Variants in PTPRT observed in about 807,000 individuals in gnomAD.
PTPRT encodes receptor-type tyrosine-protein phosphatase T.
PTPRT carries 56 observed loss-of-function variants against 176.8 expected under a neutral mutation model. The ratio of observed to expected loss-of-function variants is 0.32; its 90% CI spans 0.26 to 0.40. The LOEUF (loss-of-function observed/expected upper bound fraction) is 0.40. Ranked by LOEUF, PTPRT falls within the 10% of genes least tolerant of loss-of-function variation. The pLI, the probability that PTPRT is intolerant of heterozygous loss-of-function variation, is 1.00. For synonymous variants in PTPRT, 783 were observed against 739.0 expected (o/e 1.06, Z -0.96); for missense variants, 1,540 against 1,908.2 (o/e 0.81, Z 3.60).
At chr20:42,043,677 C>T in the PTPRT span, among the ~76,000 whole-genome samples, 1 of 152,198 alleles carries the variant, frequency 6.6e-6, no homozygotes, top group Non-Finnish European at 1.5e-5. Context: ...TAAACATCTG[C>T]TCTGTTAAGC....
chr20:42,304,293 T>C (rs569925182), intron 12 of PTPRT, among the ~76,000 whole-genome samples: 2 of 152,210 alleles, frequency 1.3e-5, no homozygotes, highest in Non-Finnish European at 2.9e-5. Context: ...ATTTGATCCA[T>C]GGGTTTAAAA....
chr20:42,379,282 T>G (rs2058678234), intron 9 of PTPRT, among the ~76,000 whole-genome samples: 1 of 152,218 alleles, frequency 6.6e-6, no homozygotes, highest in South Asian at 2.1e-4. Flanking sequence ...GCCCCTTTAT[T>G]GCAGGAAGAT....
rs551608888 is a variant in PTPRT, at chr20:42,902,314, T to C, written c.89-16382A>G. 5.3e-5 allele frequency among the ~76,000 whole-genome samples: 8 copies of C among 152,302 alleles called. No individual in the cohort carries two copies. The East Asian group carries it at 7.7e-4, about 15-fold the overall frequency. On this transcript the variant is annotated intron_variant, in intron 1 of 30. Coordinates refer to ENST00000373187, the MANE Select transcript of PTPRT (RefSeq NM_007050.6). Reference sequence around the variant, plus strand: ...TCCTGGAACAGTGAGTACACTGTCCTGATGGCTCAAGGTCAGTAGAGTCAC... The same window carrying C: ...TCCTGGAACAGTGAGTACACTGTCCCGATGGCTCAAGGTCAGTAGAGTCAC...
chr20:42,755,749 C>T (rs1008886809), intron 6 of PTPRT, among the ~76,000 whole-genome samples: 1 of 151,920 alleles, frequency 6.6e-6, no homozygotes, highest in African/African-American at 2.4e-5. Flanking sequence ...GTTACATACA[C>T]AAAGGAAAGA....
chr20:43,051,625 T>TA (rs35885799), intron 1 of PTPRT, among the ~76,000 whole-genome samples: 4,750 of 91,858 alleles, frequency 0.052, 177 homozygotes, highest in Middle Eastern at 0.071. Context: ...TCTGTAACTG[T>TA]AAAAAAAAAA....
intron 14 of PTPRT, among the ~76,000 whole-genome samples, chr20:42,243,337 T>A (rs2146891002): frequency 6.6e-6 from 1 of 152,238 alleles, no homozygotes; most frequent in South Asian, 2.1e-4. Context: ...AAGACTGATC[T>A]TCAGGCCAGC....
chr20:42,952,922 T>C (rs1981343909), intron 1 of PTPRT, among the ~76,000 whole-genome samples: 1 of 152,204 alleles, frequency 6.6e-6, no homozygotes, highest in Non-Finnish European at 1.5e-5. Flanking sequence ...TTCTTTTGTA[T>C]ATACTCTTAA....
At chr20:42,108,890 C>T (rs745668719) in intron 23 of PTPRT, among the ~76,000 whole-genome samples, 2 of 152,220 alleles carry the variant, frequency 1.3e-5, no homozygotes, top group Non-Finnish European at 2.9e-5. Flanking sequence ...CACATACCGG[C>T]GTAGAGCCAT....
At chr20:42,237,303 A>C (rs1482358919) in intron 14 of PTPRT, among the ~76,000 whole-genome samples, 1 of 152,220 alleles carries the variant, frequency 6.6e-6, no homozygotes, top group Non-Finnish European at 1.5e-5. Flanking sequence ...ATCTTGGAAG[A>C]GCACTGTACT....
At chr20:42,530,700 A>G (rs2072366692) in intron 7 of PTPRT, among the ~76,000 whole-genome samples, 1 of 152,208 alleles carries the variant, frequency 6.6e-6, no homozygotes, top group East Asian at 1.9e-4. Context: ...GGTTTGTCCC[A>G]CCATCATCAC....
At chr20:42,380,493 C>A (rs1461830627) in intron 9 of PTPRT, among the ~76,000 whole-genome samples, 1 of 152,192 alleles carries the variant, frequency 6.6e-6, no homozygotes, top group Non-Finnish European at 1.5e-5. Context: ...TTCTCATAAG[C>A]CTTTGGGTCT....
At chr20:42,040,537 C>T in the PTPRT span, among the ~76,000 whole-genome samples, 1 of 152,124 alleles carries the variant, frequency 6.6e-6, no homozygotes, top group Non-Finnish European at 1.5e-5. Context: ...TACTTTCCCT[C>T]ACCATCCAGA....
chr20:43,039,728 G>A (rs1986528487), intron 1 of PTPRT, among the ~76,000 whole-genome samples: 1 of 152,034 alleles, frequency 6.6e-6, no homozygotes, highest in South Asian at 2.1e-4. Context: ...GGTGTCCAAA[G>A]ACCATTTACA....
At chr20:42,563,262 T>C (rs2072982888) in intron 7 of PTPRT, among the ~76,000 whole-genome samples, 1 of 152,108 alleles carries the variant, frequency 6.6e-6, no homozygotes, top group African/African-American at 2.4e-5. Context: ...ACTGGTAATA[T>C]AAAGGTCCAA....
intron 1 of PTPRT, among the ~76,000 whole-genome samples, chr20:42,996,443 G>A (rs1259814599): frequency 3.3e-5 from 5 of 152,178 alleles, no homozygotes; most frequent in African/African-American, 1.2e-4. Flanking sequence ...AAGAGAAAGA[G>A]GGAAGATGTA....
chr20:43,049,088 T>C (rs1443584983), intron 1 of PTPRT, among the ~76,000 whole-genome samples: 1 of 152,160 alleles, frequency 6.6e-6, no homozygotes, highest in Non-Finnish European at 1.5e-5. Context: ...TACCCTGTTC[T>C]CCATCTCTCC....
Position 42,189,125 on chromosome 20 carries a change from C to T in PTPRT, c.2491+10115G>A, listed in dbSNP as rs541153351. Reference sequence around the variant, plus strand: ...GAGGCTCCAGCTACCATTCCAGCTTCGTCTCTGGCCATACATTCTTGACAC... The same window carrying T: ...GAGGCTCCAGCTACCATTCCAGCTTTGTCTCTGGCCATACATTCTTGACAC... On this transcript the variant is annotated intron_variant, in intron 16 of 30. Transcript: ENST00000373187. Among the ~76,000 whole-genome samples the T allele has an allele frequency of 4.6e-5, 7 of 152,298 alleles. No individual in the cohort carries two copies. The South Asian group carries it at 1.2e-3, about 27-fold the overall frequency.
chr20:42,728,292 G>A (rs2076409464), intron 6 of PTPRT, among the ~76,000 whole-genome samples: 1 of 152,152 alleles, frequency 6.6e-6, no homozygotes, highest in Non-Finnish European at 1.5e-5. Context: ...GCTTCAATAG[G>A]TCTGGGGTGG....
intron 1 of PTPRT, among the ~76,000 whole-genome samples, chr20:43,002,016 A>T (rs1984594369): frequency 6.6e-6 from 1 of 152,126 alleles, no homozygotes; most frequent in African/African-American, 2.4e-5. Flanking sequence ...CCTGGTAGGA[A>T]GTTATTGGAT....
Sources: gnomAD v4.1 joint callset for allele counts (sites outside exome capture counted in the v4.1 genomes callset) on GRCh38, gnomAD v4.1.1 for gene constraint, MANE v1.5 for transcripts, NCBI Gene and HGNC (gene_info 2026-07-23, HGNC 2026-07-21) for gene names.